Variants in PRKN observed in about 807,000 individuals in gnomAD.
PRKN encodes parkin RBR E3 ubiquitin protein ligase.
Under a neutral mutation model 59.5 loss-of-function variants are expected in PRKN, and 56 were observed. That is an observed-to-expected ratio of 0.94 (90% CI 0.76 to 1.18). The LOEUF (loss-of-function observed/expected upper bound fraction) is 1.18. Among genes scored for constraint, PRKN ranks in the 50% most tolerant of loss-of-function variants. The pLI is 0.00. For missense variants in PRKN, 657 were observed against 596.4 expected, an observed-to-expected ratio of 1.10 and a Z score of -1.06; for synonymous variants, 250 against 222.1, an observed-to-expected ratio of 1.13 and a Z score of -1.12.
At chr6:162,144,561 T>C (rs931943610) in intron 4 of PRKN, among the ~76,000 whole-genome samples, 1 of 152,164 alleles carries the variant, frequency 6.6e-6, no homozygotes, top group African/African-American at 2.4e-5. Context: ...CTACAATGTC[T>C]GCAGTAGGTG....
chr6:162,590,843 T>TG (rs1165858359), intron 1 of PRKN, among the ~76,000 whole-genome samples: 4 of 152,142 alleles, frequency 2.6e-5, no homozygotes, highest in Non-Finnish European at 4.4e-5. Flanking sequence ...GCACATACTC[T>TG]GGGCACACAA....
At chr6:162,411,273 G>A (rs1295767902) in intron 2 of PRKN, among the ~76,000 whole-genome samples, 1 of 152,160 alleles carries the variant, frequency 6.6e-6, no homozygotes, top group Middle Eastern at 3.2e-3. Context: ...AGGTTAATTA[G>A]GAAAATAAGG....
At chr6:161,639,801 T>A (rs960092976) in intron 7 of PRKN, among the ~76,000 whole-genome samples, 4 of 152,192 alleles carry the variant, frequency 2.6e-5, no homozygotes, top group Non-Finnish European at 4.4e-5. Flanking sequence ...GAGGGGCTAT[T>A]TATTGGATTC....
At chr6:161,732,585 C>G (rs563349595) in intron 7 of PRKN, among the ~76,000 whole-genome samples, 12 of 151,782 alleles carry the variant, frequency 7.9e-5, no homozygotes, top group Non-Finnish European at 1.6e-4. Context: ...ACAGTGTACA[C>G]GATGCAAAGA....
rs550784406 is a variant in PRKN at position 162,245,937 on chromosome 6, A to C, written c.412+16588T>G. Among the ~76,000 whole-genome samples the C allele has an allele frequency of 1.3e-3, 195 of 152,262 alleles. 1 individual carries two copies. The highest frequency in any genetic ancestry group is 4.3e-3 in the African/African-American group (179 of 41,570). On this transcript the variant is annotated intron_variant, in intron 3 of 11. Coordinates refer to ENST00000366898, the MANE Select transcript of PRKN (RefSeq NM_004562.3). The stretch of plus-strand genomic sequence containing the variant: ...TGACCTCAGATCAATTAAAAATCAT[A>C]TGCCCACTGGGGAGGAAAACAGCTC...
intron 6 of PRKN, among the ~76,000 whole-genome samples, chr6:161,970,518 A>C (rs189690616): frequency 6.6e-6 from 1 of 151,914 alleles, no homozygotes; most frequent in Non-Finnish European, 1.5e-5. Flanking sequence ...ACTAAGCATG[A>C]GGGTAAAAAT....
intron 1 of PRKN, among the ~76,000 whole-genome samples, chr6:162,554,066 A>G (rs1583788975): frequency 6.6e-6 from 1 of 152,194 alleles, no homozygotes; most frequent in East Asian, 1.9e-4. Context: ...TTGGAGGTGA[A>G]GTAACATCTA....
At chr6:162,028,661 G>T (rs7753907) in intron 5 of PRKN, among the ~76,000 whole-genome samples, 19,344 of 152,204 alleles carry the variant, frequency 0.13, 2,027 homozygotes, top group African/African-American at 0.28. Flanking sequence ...GTGAATGGAG[G>T]GAAGGACGCT....
chr6:162,372,945 G>T (rs1195065346), intron 2 of PRKN, among the ~76,000 whole-genome samples: 1 of 152,068 alleles, frequency 6.6e-6, no homozygotes, highest in Non-Finnish European at 1.5e-5. Context: ...TGTTTATCAC[G>T]GTGTCAACTA....
chr6:162,266,842 C>T (rs1780161547), intron 2 of PRKN, among the ~76,000 whole-genome samples: 1 of 152,164 alleles, frequency 6.6e-6, no homozygotes, highest in Non-Finnish European at 1.5e-5. Flanking sequence ...GGTCCCTAAT[C>T]TTGTACATGA....
At chr6:161,860,931 C>T (rs913369544) in intron 6 of PRKN, among the ~76,000 whole-genome samples, 2 of 152,176 alleles carry the variant, frequency 1.3e-5, no homozygotes, top group Non-Finnish European at 2.9e-5. Flanking sequence ...CAGGAAACAA[C>T]AGATGCTGGC....
At chr6:162,320,362 C>CAAAAAAAAAAAAAAAAAAAAAAAAACAAA (rs55793911) in intron 2 of PRKN, among the ~76,000 whole-genome samples, 2 of 7,286 alleles carry the variant, frequency 2.7e-4, no homozygotes, top group African/African-American at 5.8e-4. Flanking sequence ...TACAAAAAGC[C>CAAAAAAAAAAAAAAAAAAAAAAAAACAAA]AAAAAAAAAA....
intron 7 of PRKN, among the ~76,000 whole-genome samples, chr6:161,706,529 A>C (rs1786503687): frequency 6.6e-6 from 1 of 152,186 alleles, no homozygotes; most frequent in Non-Finnish European, 1.5e-5. Flanking sequence ...CGCAGGAAGG[A>C]ATCGATAAAC....
chr6:162,638,271 G>A (rs898562944), intron 1 of PRKN, among the ~76,000 whole-genome samples: 3 of 149,752 alleles, frequency 2.0e-5, no homozygotes, highest in Non-Finnish European at 3.0e-5. Flanking sequence ...TTTTCTTGAC[G>A]TACAGAATTT....
At chr6:162,552,907 C>T (rs997495855) in intron 1 of PRKN, among the ~76,000 whole-genome samples, 1 of 152,070 alleles carries the variant, frequency 6.6e-6, no homozygotes. Context: ...TCTCAGAAGC[C>T]ACGAAAGCAG....
At position 161,444,432 on chromosome 6, in the gene PRKN, C is replaced by G. The variant is rs538139060; in HGVS notation, c.1084-57555G>C. 6.6e-6 allele frequency among the ~76,000 whole-genome samples: 1 copy of G among 152,306 alleles called. No individual in the cohort carries two copies. The highest frequency in any genetic ancestry group is 1.9e-4 in the East Asian group (1 of 5,186). On this transcript the variant is annotated intron_variant, in intron 9 of 11. Transcript: ENST00000366898. This position sits in a 1 kb window ranked among gnomAD's most constrained non-coding sequence, Gnocchi z 5.6. ...TGTGAAGTCCTCAAGGTCATTAGAT[C>G]TCATGAATTTACTCCGGCATTTCCA...
intron 3 of PRKN, among the ~76,000 whole-genome samples, chr6:162,251,068 AAG>A (rs1779414418): frequency 6.6e-6 from 1 of 152,136 alleles, no homozygotes; most frequent in Non-Finnish European, 1.5e-5. Flanking sequence ...GCTTTCAAAT[AAG>A]ATAGCCACAC....
intron 4 of PRKN, among the ~76,000 whole-genome samples, chr6:162,124,270 C>T (rs1380208485): frequency 1.3e-5 from 2 of 152,120 alleles, no homozygotes; most frequent in African/African-American, 4.8e-5. Flanking sequence ...GTCTCAATTC[C>T]CTTAATATTT....
At chr6:162,652,839 C>T (rs1006756943) in intron 1 of PRKN, among the ~76,000 whole-genome samples, 1 of 151,958 alleles carries the variant, frequency 6.6e-6, no homozygotes, top group East Asian at 1.9e-4. Context: ...GAACTAACCC[C>T]CCGATAAGAT....
Sources: allele counts gnomAD v4.1 joint callset (sites outside exome capture counted in the v4.1 genomes callset), GRCh38; gene constraint gnomAD v4.1.1; non-coding constraint Gnocchi (gnomAD v3.1); transcripts MANE v1.5; gene names NCBI Gene and HGNC (gene_info 2026-07-23, HGNC 2026-07-21).